CPEB3: variants seen among roughly 807,000 people sequenced by gnomAD.
CPEB3 encodes cytoplasmic polyadenylation element-binding protein 3.
In CPEB3, 20 loss-of-function variants were observed where a neutral mutation model predicts 67.2. That is an observed-to-expected ratio of 0.30 (90% CI 0.21 to 0.43). The LOEUF is 0.43. Ranked by LOEUF, CPEB3 falls within the 20% of genes least tolerant of loss-of-function variation. The pLI is 1.00. For synonymous variants in CPEB3, 376 were observed against 393.1 expected, an observed-to-expected ratio of 0.96 and a Z score of 0.51; for missense variants, 746 against 968.6, an observed-to-expected ratio of 0.77 and a Z score of 3.05.
intron 2 of CPEB3, among the ~76,000 whole-genome samples, chr10:92,204,496 T>C: frequency 6.6e-6 from 1 of 152,180 alleles, no homozygotes; most frequent in South Asian, 2.1e-4. Flanking sequence ...TAGCTCTTCA[T>C]TGTCACTCCC....
Position 92,101,827 on chromosome 10 carries a change from G to A in CPEB3, c.1572+9249C>T, listed in dbSNP as rs140696338. On this transcript the variant is annotated intron_variant, in intron 7 of 9. Coordinates refer to ENST00000265997, the MANE Select transcript of CPEB3 (RefSeq NM_014912.5). ...GGATGCTGAGGCAGGAGAATCGCTTGAACCTGGAAGGCAGAGGTTGCAGTG... is the reference window on the plus strand; with the variant it reads ...GGATGCTGAGGCAGGAGAATCGCTTAAACCTGGAAGGCAGAGGTTGCAGTG... 3.7e-3 allele frequency among the ~76,000 whole-genome samples: 560 copies of A among 152,314 alleles called. 6 individuals carry two copies. Among genetic ancestry groups the A allele is most frequent in the Non-Finnish European group, 6.3e-3 (427 of 68,024 alleles).
Position 92,240,277 on chromosome 10 carries a change from TGCTGCTGCTGCC to T in CPEB3, c.62_73del (p.Arg21_Gln24del), listed in dbSNP as rs1279797167. ...GGATACGCTGGACTCAGGTTGGGGC[TGCTGCTGCTGCC>T]GCTGCTGCTGCTGGGGCTGGGGCTG... On this transcript the variant is annotated inframe_deletion, in exon 2 of 10. Coordinates refer to ENST00000265997, the MANE Select transcript of CPEB3 (RefSeq NM_014912.5). 4.6e-6 allele frequency: 7 copies of T among 1,508,686 alleles called. No homozygotes were observed. Among genetic ancestry groups the T allele is most frequent in the East Asian group, 2.5e-5 (1 of 40,240 alleles). 93.5% of individuals were successfully genotyped at this position (1,508,686 alleles called of 1,614,324 possible). A position where few individuals can be genotyped will look rare whatever the true frequency, so the allele number is the denominator to read the frequency against.
At chr10:92,235,043 A>G (rs554265931) in intron 2 of CPEB3, among the ~76,000 whole-genome samples, 1 of 152,368 alleles carries the variant, frequency 6.6e-6, no homozygotes, top group Admixed American at 6.5e-5. Flanking sequence ...TGCTTGGCAC[A>G]GGGCCTGGCC....
At chr10:92,259,765 T>C (rs1295661683) in intron 1 of CPEB3, among the ~76,000 whole-genome samples, 2 of 152,220 alleles carry the variant, frequency 1.3e-5, no homozygotes, top group African/African-American at 4.8e-5. Flanking sequence ...TCAGAGCCAG[T>C]ATAATATCTT....
intron 2 of CPEB3, among the ~76,000 whole-genome samples, chr10:92,230,973 C>T (rs1202504587): frequency 6.6e-6 from 1 of 152,194 alleles, no homozygotes; most frequent in Non-Finnish European, 1.5e-5. Context: ...CAAATTAGAC[C>T]TTTGATATCT....
Position 92,049,165 on chromosome 10 carries a change from A to C in CPEB3, c.*3047T>G, listed in dbSNP as rs1230722999. The C allele has an allele frequency of 6.6e-6, 1 of 152,616 alleles. No homozygotes were observed. Among genetic ancestry groups the C allele is most frequent in the Non-Finnish European group, 1.5e-5 (1 of 68,036 alleles). 9.5% of individuals were successfully genotyped at this position (152,616 alleles called of 1,614,324 possible). On this transcript the variant is annotated 3_prime_UTR_variant, in exon 10 of 10. Coordinates refer to ENST00000265997, the MANE Select transcript of CPEB3 (RefSeq NM_014912.5). ...TGATTTCAGTGAATCACAATGTCTA[A>C]AGTTTGCAATGAAAATAAATCTGCA...
intron 1 of CPEB3, among the ~76,000 whole-genome samples, chr10:92,279,696 G>C (rs1842170162): frequency 1.3e-5 from 2 of 152,080 alleles, no homozygotes; most frequent in Admixed American, 1.3e-4. Context: ...AAAGAACCTT[G>C]CCAGGAGTGA....
chr10:92,238,184 T>C (rs1051874989), intron 2 of CPEB3, among the ~76,000 whole-genome samples: 2 of 152,204 alleles, frequency 1.3e-5, no homozygotes, highest in Admixed American at 6.5e-5. Flanking sequence ...CTCTCCCCTT[T>C]TTCTTTAACT....
chr10:92,163,715 C>T (rs970107528), intron 4 of CPEB3, among the ~76,000 whole-genome samples: 3 of 152,086 alleles, frequency 2.0e-5, no homozygotes, highest in African/African-American at 7.2e-5. Context: ...CTTATAATGG[C>T]AGATAAGATA....
intron 1 of CPEB3, among the ~76,000 whole-genome samples, chr10:92,275,090 A>C (rs66882667): frequency 0.32 from 48,553 of 152,054 alleles, 8,081 homozygotes; most frequent in Admixed American, 0.43. Flanking sequence ...CTTACCTTCA[A>C]TCCTGTGAGC....
chr10:92,164,427 C>T (rs1847639915), intron 4 of CPEB3, among the ~76,000 whole-genome samples: 1 of 152,116 alleles, frequency 6.6e-6, no homozygotes, highest in Non-Finnish European at 1.5e-5. Context: ...AGTTCAACAC[C>T]TTTGAAAATT....
chr10:92,232,417 A>G (rs1851314284), intron 2 of CPEB3, among the ~76,000 whole-genome samples: 1 of 152,136 alleles, frequency 6.6e-6, no homozygotes, highest in Non-Finnish European at 1.5e-5. Flanking sequence ...CTTAGCAATG[A>G]AAACCAGTTC....
intron 4 of CPEB3, among the ~76,000 whole-genome samples, chr10:92,173,949 G>GA (rs1848117624): frequency 6.6e-6 from 1 of 152,182 alleles, no homozygotes; most frequent in Non-Finnish European, 1.5e-5. Flanking sequence ...GACAGAAAGA[G>GA]AAAATCTGAA....
chr10:92,211,390 G>T (rs1850075449), intron 2 of CPEB3, among the ~76,000 whole-genome samples: 1 of 152,156 alleles, frequency 6.6e-6, no homozygotes, highest in African/African-American at 2.4e-5. Flanking sequence ...ACAGATTTAT[G>T]CATGAAAGTG....
chr10:92,059,346 G>A (rs1104012), intron 9 of CPEB3, among the ~76,000 whole-genome samples: 96,502 of 139,088 alleles, frequency 0.69, 34,091 homozygotes, highest in East Asian at 0.76. Flanking sequence ...CAAAGAAAAA[G>A]CAAATACAAG....
chr10:92,155,444 T>C (rs1847161730), intron 4 of CPEB3, among the ~76,000 whole-genome samples: 1 of 152,188 alleles, frequency 6.6e-6, no homozygotes, highest in African/African-American at 2.4e-5. Flanking sequence ...AGAAGTATAC[T>C]ATGCAGAGTT....
At chr10:92,220,181 C>T (rs915639323) in intron 2 of CPEB3, among the ~76,000 whole-genome samples, 2 of 152,006 alleles carry the variant, frequency 1.3e-5, no homozygotes, top group East Asian at 1.9e-4. Flanking sequence ...CACCCAGCCC[C>T]AAATCTTCTA....
intron 1 of CPEB3, among the ~76,000 whole-genome samples, chr10:92,270,038 TG>T (rs1000912885): frequency 4.3e-4 from 17 of 39,902 alleles, no homozygotes; most frequent in Admixed American, 4.4e-4. Context: ...TTATGGGGGG[TG>T]GGGGGGAAGG....
At chr10:92,236,886 A>C (rs72807269) in intron 2 of CPEB3, among the ~76,000 whole-genome samples, 4 of 152,172 alleles carry the variant, frequency 2.6e-5, no homozygotes. Context: ...TTCTTTAAAA[A>C]TTTTAACATA....
Sources: allele counts gnomAD v4.1 joint callset (sites outside exome capture counted in the v4.1 genomes callset), GRCh38; gene constraint gnomAD v4.1.1; transcripts MANE v1.5; gene names NCBI Gene and HGNC (gene_info 2026-07-23, HGNC 2026-07-21).